Variants in CYB5A observed in about 807,000 individuals in gnomAD.
The protein encoded by CYB5A is cytochrome b5.
In CYB5A, 10 loss-of-function variants were observed where a neutral mutation model predicts 16.2. That is an observed-to-expected ratio of 0.62 (90% confidence interval 0.38 to 1.04). The LOEUF is 1.04. Ranked by LOEUF, CYB5A falls within the 50% of genes least tolerant of loss-of-function variation. The probability of loss-of-function intolerance (pLI) is 0.01; values close to 1 mark genes in which losing one functional copy is unlikely to be tolerated. For synonymous variants in CYB5A, 62 were observed against 57.0 expected, an observed-to-expected ratio of 1.09 and a Z score of -0.40; for missense variants, 161 against 165.9, an observed-to-expected ratio of 0.97 and a Z score of 0.16.
At chr18:74,258,621 G>A (rs2145040960) in intron 3 of CYB5A, 1 of 152,198 alleles carries the variant, frequency 6.6e-6, no homozygotes, top group East Asian at 1.9e-4. Context: ...AAATCCCTAA[G>A]GACACTCTTT....
chr18:74,284,543 AAT>A (rs577797979), intron 1 of CYB5A, among the ~76,000 whole-genome samples: 21 of 152,350 alleles, frequency 1.4e-4, no homozygotes, highest in South Asian at 1.0e-3. Flanking sequence ...CACAAAGCTT[AAT>A]GAATAGGTCT....
rs991810705 is a variant in CYB5A, at chr18:74,276,361, C to T, written c.130-12884G>A. Among the ~76,000 whole-genome samples the T allele has an allele frequency of 2.6e-5, 4 of 152,260 alleles. No homozygotes were observed. The East Asian group carries it at 5.8e-4, about 22-fold the overall frequency. On this transcript the variant is annotated intron_variant, in intron 1 of 4. Transcript: ENST00000340533. ...CATGCAAATAAAGTGACCATTTTTA[C>T]ATTTCTGAACAAAGTATCTTTAAAT...
intron 1 of CYB5A, among the ~76,000 whole-genome samples, chr18:74,279,654 GTTTT>G (rs1983016308): frequency 8.4e-6 from 1 of 118,718 alleles, no homozygotes; most frequent in African/African-American, 2.6e-5. Flanking sequence ...TCTCTCTTTT[GTTTT>G]TTTTCCTCTC....
At chr18:74,261,632 G>A (rs1568215420) in intron 2 of CYB5A, 1 of 152,626 alleles carries the variant, frequency 6.6e-6, no homozygotes, top group East Asian at 1.9e-4. Context: ...CTCCCTCAAA[G>A]TACATATCTC....
At chr18:74,264,269 C>A (rs1304841512) in intron 1 of CYB5A, among the ~76,000 whole-genome samples, 1 of 151,860 alleles carries the variant, frequency 6.6e-6, no homozygotes, top group East Asian at 1.9e-4. Context: ...ACATAAGTTG[C>A]TTCCCCATGT....
intron 1 of CYB5A, among the ~76,000 whole-genome samples, chr18:74,279,570 A>G (rs1443729341): frequency 1.1e-5 from 1 of 89,724 alleles, no homozygotes; most frequent in African/African-American, 3.5e-5. Flanking sequence ...TAAAAAACAA[A>G]AGAGATAATA....
intron 3 of CYB5A, chr18:74,257,970 T>C (rs976332349): frequency 6.6e-6 from 1 of 152,186 alleles, no homozygotes; most frequent in Non-Finnish European, 1.5e-5. Flanking sequence ...GTCATGTGAA[T>C]CAGTGTAAAT....
chr18:74,265,849 C>T (rs899057544), intron 1 of CYB5A, among the ~76,000 whole-genome samples: 31 of 152,302 alleles, frequency 2.0e-4, no homozygotes, highest in Non-Finnish European at 2.6e-4. Context: ...ACTGTGAGGA[C>T]GACACAAAGC....
intron 1 of CYB5A, among the ~76,000 whole-genome samples, chr18:74,286,128 C>T (rs1174989914): frequency 6.6e-6 from 1 of 152,214 alleles, no homozygotes; most frequent in East Asian, 1.9e-4. Flanking sequence ...CATCCACGAG[C>T]AAGGTGTTGT....
At chr18:74,279,966 A>ACTTC (rs1983028602) in intron 1 of CYB5A, among the ~76,000 whole-genome samples, 1 of 152,238 alleles carries the variant, frequency 6.6e-6, no homozygotes, top group Admixed American at 6.5e-5. Flanking sequence ...GTGGAAGGAC[A>ACTTC]CAGAGAAGCA....
intron 4 of CYB5A, among the ~76,000 whole-genome samples, chr18:74,254,246 T>C (rs974590355): frequency 6.6e-6 from 1 of 152,150 alleles, no homozygotes; most frequent in Non-Finnish European, 1.5e-5. Context: ...TTGAAGAGTA[T>C]GGGCCCTGTG....
intron 1 of CYB5A, among the ~76,000 whole-genome samples, chr18:74,274,988 A>G (rs895970633): frequency 1.3e-5 from 2 of 152,162 alleles, no homozygotes; most frequent in Admixed American, 1.3e-4. Context: ...TGTCCCTTGC[A>G]TATATTGCTG....
Position 74,260,837 on chromosome 18 carries a change from A to G in CYB5A, c.288+78T>C, listed in dbSNP as rs575521231. The G allele has an allele frequency of 6.3e-6, 8 of 1,264,188 alleles. No individual in the cohort carries two copies. In the Admixed American group the frequency reaches 1.2e-4, roughly 19 times the overall value. 78.3% of individuals were successfully genotyped at this position (1,264,188 alleles called of 1,614,324 possible). On this transcript the variant is annotated intron_variant, in intron 3 of 4. Coordinates refer to ENST00000340533, the MANE Select transcript of CYB5A (RefSeq NM_148923.4). ...CTGTGCTGGCATCAGTCAGGTAAAT[A>G]AAAACCCTCTGCCTTCAGTTTGACA...
At chr18:74,256,041 T>A (rs1345407863) in intron 3 of CYB5A, 1 of 446,828 alleles carries the variant, frequency 2.2e-6, no homozygotes, top group Non-Finnish European at 4.1e-6. Context: ...ACATAAAATA[T>A]CTTGCACACG....
rs779096431 is a variant in CYB5A, at chr18:74,263,408, C to T, written c.199G>A (p.Gly67Arg). Residue 67 changes from glycine to arginine, a missense_variant, in exon 2 of 5, where the codon GGG (glycine) becomes AGG (arginine). Coordinates refer to ENST00000340533, the MANE Select transcript of CYB5A (RefSeq NM_148923.4). Reference sequence around the variant, plus strand: ...ATTTCCCTGGCATCTGTAGAGTGCCCGACATCCTCAAAGTTCTCAGTAGCG... The same window carrying T: ...ATTTCCCTGGCATCTGTAGAGTGCCTGACATCCTCAAAGTTCTCAGTAGCG... ...GDATENFEDVGHSTDAREMSK... is the reference protein window; with the variant it reads ...GDATENFEDVRHSTDAREMSK... The T allele has an allele frequency of 8.7e-6, 14 of 1,614,112 alleles. No homozygotes were observed. The highest frequency in any genetic ancestry group is 4.5e-5 in the East Asian group (2 of 44,876).
At chr18:74,285,529 C>T (rs1047399981) in intron 1 of CYB5A, among the ~76,000 whole-genome samples, 6 of 152,190 alleles carry the variant, frequency 3.9e-5, no homozygotes, top group African/African-American at 1.2e-4. Flanking sequence ...CTCCTAAGAA[C>T]CGAGAAATGC....
intron 3 of CYB5A, 177 bp from the exon 4 acceptor site, chr18:74,255,952 C>A: frequency 1.7e-6 from 1 of 590,564 alleles, no homozygotes; most frequent in Admixed American, 2.9e-5. Context: ...TGTTTTCTTC[C>A]AGAGTAAAAC....
At chr18:74,285,116 T>C (rs1983270663) in intron 1 of CYB5A, among the ~76,000 whole-genome samples, 1 of 152,202 alleles carries the variant, frequency 6.6e-6, no homozygotes. Flanking sequence ...TTAAGGGCAA[T>C]GAATTTCAAC....
At chr18:74,268,069 C>G (rs553992954) in intron 1 of CYB5A, among the ~76,000 whole-genome samples, 87 of 152,302 alleles carry the variant, frequency 5.7e-4, no homozygotes, top group African/African-American at 2.1e-3. Flanking sequence ...GTTAATTCAC[C>G]CAACAAACAC....
Sources: gnomAD v4.1 joint callset for allele counts (sites outside exome capture counted in the v4.1 genomes callset) on GRCh38, gnomAD v4.1.1 for gene constraint, MANE v1.5 for transcripts, NCBI Gene and HGNC (gene_info 2026-07-23, HGNC 2026-07-21) for gene names.